PHF20L1: variants seen among roughly 807,000 people sequenced by gnomAD.
PHF20L1 encodes the protein PHD finger protein 20 like 1, also known as PHD finger protein 20-like protein 1.
In PHF20L1, 44 loss-of-function variants were observed where a neutral mutation model predicts 125.5. The ratio of observed to expected loss-of-function variants is 0.35; its 90% confidence interval spans 0.28 to 0.45. The LOEUF (loss-of-function observed/expected upper bound fraction) is 0.45, where lower values mean the gene tolerates loss of function less well. Among genes scored for constraint, PHF20L1 ranks in the 20% least tolerant of loss-of-function variants. The pLI, the probability that PHF20L1 is intolerant of heterozygous loss-of-function variation, is 1.00. For missense variants in PHF20L1, 1,012 were observed against 1,217.2 expected, an observed-to-expected ratio of 0.83 and a Z score of 2.51; for synonymous variants, 380 against 403.1, an observed-to-expected ratio of 0.94 and a Z score of 0.69.
chr8:132,782,749 C>G (rs372521050), intron 2 of PHF20L1, among the ~76,000 whole-genome samples: 1 of 151,866 alleles, frequency 6.6e-6, no homozygotes, highest in Non-Finnish European at 1.5e-5. Flanking sequence ...CCATAGTAAC[C>G]TGCTGATTTT....
rs1449642165 is a variant in PHF20L1, at chr8:132,814,849, G to A, written c.1143G>A (p.Thr381=). 6.2e-7 allele frequency: 1 copy of A among 1,608,928 alleles called. No homozygotes were observed. The highest frequency in any genetic ancestry group is 8.5e-7 in the Non-Finnish European group (1 of 1,175,968). The change falls in exon 10 of 21, where the codon ACG becomes ACA. Residue 381 remains threonine, a synonymous_variant. Transcript: ENST00000395386. ...AATTAATACAAGTCGAGGATTTGAC[G>A]CTTGTATCTCAGCTTTCTTCTTCAG... ...SPELIQVEDL[T]LVSQLSSSVI...
intron 14 of PHF20L1, among the ~76,000 whole-genome samples, chr8:132,831,406 A>G (rs1836771782): frequency 6.6e-6 from 1 of 151,608 alleles, no homozygotes; most frequent in Non-Finnish European, 1.5e-5. Flanking sequence ...ACTCTCCAGT[A>G]AGCTGCATAT....
intron 20 of PHF20L1, among the ~76,000 whole-genome samples, chr8:132,845,413 A>T (rs1838336371): frequency 6.6e-6 from 1 of 152,078 alleles, no homozygotes. Context: ...GAGCAAACAT[A>T]GGGAACTGTT....
chr8:132,832,279 T>G lies in PHF20L1; in HGVS notation c.1789T>G (p.Cys597Gly). 1 of 1,606,320 alleles carries G rather than the reference T, an allele frequency of 6.2e-7. No individual in the cohort carries two copies. The highest frequency in any genetic ancestry group is 8.5e-7 in the Non-Finnish European group (1 of 1,173,240). Residue 597 changes from cysteine (C) to glycine (G), a missense_variant, in exon 15 of 21, where the codon TGC (cysteine) becomes GGC (glycine). Coordinates refer to ENST00000395386, the MANE Select transcript of PHF20L1 (RefSeq NM_016018.5). ...CAGTTCCCTCGAATTTTTGGAAAGG[T>G]GCTCTTCTCCACTAACTCGATCTTC... ...EDSSLEFLER[C>G]SSPLTRSSGS...
At chr8:132,843,035 A>G in intron 19 of PHF20L1, 160 bp downstream of exon 19, 3 of 1,361,886 alleles carry the variant, frequency 2.2e-6, no homozygotes, top group Non-Finnish European at 2.8e-6. Context: ...TCTACAGGAA[A>G]ACACTGGCCA....
chr8:132,840,895 G>A (rs1418560127), intron 18 of PHF20L1, among the ~76,000 whole-genome samples: 1 of 151,986 alleles, frequency 6.6e-6, no homozygotes, highest in Non-Finnish European at 1.5e-5. Flanking sequence ...TCATCATTTT[G>A]TCTCTAATTG....
chr8:132,805,600 C>A (rs1207855597), intron 8 of PHF20L1, among the ~76,000 whole-genome samples: 3 of 151,882 alleles, frequency 2.0e-5, no homozygotes, highest in African/African-American at 7.2e-5. Flanking sequence ...CCTAATAAAG[C>A]TGTAAAAACC....
intron 15 of PHF20L1, among the ~76,000 whole-genome samples, chr8:132,835,462 C>G (rs1156333409): frequency 6.6e-6 from 1 of 152,082 alleles, no homozygotes; most frequent in Non-Finnish European, 1.5e-5. Context: ...CATTTACTTT[C>G]CATTGTTATA....
intron 6 of PHF20L1, 99 bp downstream of exon 6, chr8:132,799,271 C>CT: frequency 1.6e-6 from 1 of 644,306 alleles, no homozygotes; most frequent in East Asian, 2.8e-5. Context: ...ACATTGAGTT[C>CT]TTATCTTCTT....
chr8:132,804,765 G>A (rs768234907), intron 8 of PHF20L1, 25 bp downstream of exon 8: 4 of 1,554,030 alleles, frequency 2.6e-6, no homozygotes, highest in Non-Finnish European at 3.5e-6. Context: ...TTTTTTTTTT[G>A]AGGGGGGGAA....
At chr8:132,783,184 C>T (rs1830632395) in intron 2 of PHF20L1, among the ~76,000 whole-genome samples, 1 of 152,070 alleles carries the variant, frequency 6.6e-6, no homozygotes, top group African/African-American at 2.4e-5. Flanking sequence ...TCCTCTGACT[C>T]TTTTGGAATA....
Position 132,794,311 on chromosome 8 carries a change from GT to G in PHF20L1, c.84-95del, listed in dbSNP as rs919129534. 2.9e-5 allele frequency: 20 copies of G among 685,838 alleles called. No individual in the cohort carries two copies. In the African/African-American group the frequency reaches 3.6e-4, roughly 12 times the overall value. 42.5% of individuals were successfully genotyped at this position (685,838 alleles called of 1,614,324 possible). On this transcript the variant is annotated intron_variant, in intron 2 of 20. Coordinates refer to ENST00000395386, the MANE Select transcript of PHF20L1 (RefSeq NM_016018.5). Reference sequence around the variant, plus strand: ...GGACGTATTTATTGTTTTCTTCATGGTTTTAATGGTAAGCAACATTCAGCTA... The same window carrying G: ...GGACGTATTTATTGTTTTCTTCATGGTTTAATGGTAAGCAACATTCAGCTA...
At chr8:132,783,822 A>C (rs906567313) in intron 2 of PHF20L1, among the ~76,000 whole-genome samples, 1 of 152,218 alleles carries the variant, frequency 6.6e-6, no homozygotes, top group Non-Finnish European at 1.5e-5. Flanking sequence ...AATGAATTAC[A>C]TACTATGGTC....
At chr8:132,782,387 T>C (rs1001494870) in intron 2 of PHF20L1, among the ~76,000 whole-genome samples, 2 of 152,188 alleles carry the variant, frequency 1.3e-5, no homozygotes, top group African/African-American at 4.8e-5. Context: ...TGTATTGCTT[T>C]AAGTTCTACA....
At position 132,842,589 on chromosome 8, in the gene PHF20L1, G is replaced by A. The variant is rs763061618; in HGVS notation, c.2462G>A (p.Gly821Glu). The A allele has an allele frequency of 6.2e-7, 1 of 1,612,678 alleles. No individual in the cohort carries two copies. Among genetic ancestry groups the A allele is most frequent in the East Asian group, 2.2e-5 (1 of 44,826 alleles). Residue 821 changes from glycine to glutamate, a missense_variant, in exon 19 of 21, where the codon GGG becomes GAG. Gly to Glu is a moderately conservative substitution (Grantham distance 98, BLOSUM62 -2). Coordinates refer to ENST00000395386, the MANE Select transcript of PHF20L1 (RefSeq NM_016018.5). Reference sequence around the variant, plus strand: ...AAAGACCAAGATCAAATAATAGCTGGGGTGGAGAAAAAAATAGCTCAAGAC... The same window carrying A: ...AAAGACCAAGATCAAATAATAGCTGAGGTGGAGAAAAAAATAGCTCAAGAC... ...KRKDQDQIIA[G>E]VEKKIAQDTV... is the part of the protein sequence containing the mutation.
At chr8:132,798,942 T>A in intron 5 of PHF20L1, 82 bp downstream of exon 5, 1 of 1,109,356 alleles carries the variant, frequency 9.0e-7, no homozygotes, top group Non-Finnish European at 1.3e-6. Flanking sequence ...ATATGTATAT[T>A]TTTTAAAAAT....
intron 12 of PHF20L1, chr8:132,817,779 A>T (rs148216909): frequency 2.4e-6 from 1 of 410,748 alleles, no homozygotes; most frequent in Non-Finnish European, 4.3e-6. Context: ...CACTTGATCT[A>T]TTTCCTTCTC....
chr8:132,845,707 C>T (rs1838372274), intron 20 of PHF20L1, 74 bp from the exon 21 acceptor site: 2 of 1,084,896 alleles, frequency 1.8e-6, no homozygotes, highest in Admixed American at 1.7e-5. Flanking sequence ...ACAGCTCCAA[C>T]TTTCTGATTG....
At chr8:132,799,270 T>C in intron 6 of PHF20L1, 98 bp downstream of exon 6, 1 of 646,606 alleles carries the variant, frequency 1.5e-6, no homozygotes, top group Non-Finnish European at 2.7e-6. Flanking sequence ...TACATTGAGT[T>C]CTTATCTTCT....
Sources: gnomAD v4.1 joint callset for allele counts (sites outside exome capture counted in the v4.1 genomes callset) on GRCh38, gnomAD v4.1.1 for gene constraint, MANE v1.5 for transcripts, NCBI Gene and HGNC (gene_info 2026-07-23, HGNC 2026-07-21) for gene names.